NLGN4Y: variants seen among roughly 807,000 people sequenced by gnomAD.
NLGN4Y encodes neuroligin 4 Y-linked.
NLGN4Y carries 4 observed loss-of-function variants against 8.4 expected under a neutral mutation model. The observed-to-expected ratio is 0.48, with a 90% CI of 0.23 to 1.09. The LOEUF is 1.09. Ranked by LOEUF, NLGN4Y falls within the 50% of genes least tolerant of loss-of-function variation. The probability of loss-of-function intolerance (pLI) is 0.19; values close to 1 mark genes in which losing one functional copy is unlikely to be tolerated. For missense variants in NLGN4Y, 90 were observed against 192.3 expected, an observed-to-expected ratio of 0.47 and a Z score of 3.15; for synonymous variants, 35 against 75.6, an observed-to-expected ratio of 0.46 and a Z score of 2.78.
intron 2 of NLGN4Y, among the ~76,000 whole-genome samples, chrY:14,715,743 T>G: frequency 3.0e-5 from 1 of 32,955 alleles, no homozygotes; most frequent in Non-Finnish European, 7.4e-5. Flanking sequence ...GTAACAAACC[T>G]GCACGTTCTG....
intron 2 of NLGN4Y, among the ~76,000 whole-genome samples, chrY:14,706,434 G>T (rs2080878052): frequency 1.2e-4 from 4 of 32,201 alleles, no homozygotes; most frequent in African/African-American, 4.9e-4. Flanking sequence ...TTTGTTTTGA[G>T]ATGGAATCTT....
At chrY:14,577,232 G>A in intron 1 of NLGN4Y, among the ~76,000 whole-genome samples, 1 of 33,544 alleles carries the variant, frequency 3.0e-5, no homozygotes, top group Non-Finnish European at 7.4e-5. Context: ...ATCATCTGGA[G>A]GTAGCACACA....
chrY:14,758,329 G>A (rs1034929254), intron 4 of NLGN4Y, among the ~76,000 whole-genome samples: 7 of 33,657 alleles, frequency 2.1e-4, no homozygotes, highest in African/African-American at 6.9e-4. Context: ...GAGCCATGCT[G>A]TTCCCTGAAT....
At chrY:14,590,066 C>T in intron 1 of NLGN4Y, among the ~76,000 whole-genome samples, 1 of 34,510 alleles carries the variant, frequency 2.9e-5, no homozygotes, top group African/African-American at 1.1e-4. Flanking sequence ...CAGCGCTGGC[C>T]GGCTGCTCCG....
At chrY:14,727,702 G>T (rs763207667) in intron 4 of NLGN4Y, among the ~76,000 whole-genome samples, 5 of 33,272 alleles carry the variant, frequency 1.5e-4, no homozygotes, top group Admixed American at 1.4e-3. Context: ...CAAAACAGAA[G>T]AAAAATGCCA....
At chrY:14,658,583 TAG>T (rs2080662856) in intron 2 of NLGN4Y, among the ~76,000 whole-genome samples, 2 of 33,180 alleles carry the variant, frequency 6.0e-5, no homozygotes, top group African/African-American at 1.2e-4. Flanking sequence ...TTGCCCAGAC[TAG>T]AGTGCAGTGG....
At chrY:14,524,180 A>G (rs747235159), upstream of NLGN4Y, 1 of 48,498 alleles carries the variant, frequency 2.1e-5, no homozygotes, top group South Asian at 1.9e-4. Context: ...GCCCTGGTCT[A>G]GGTATCAGGT....
intron 4 of NLGN4Y, among the ~76,000 whole-genome samples, chrY:14,790,648 T>C (rs776151460): frequency 2.9e-5 from 1 of 33,933 alleles, no homozygotes; most frequent in Admixed American, 2.7e-4. Context: ...TGTTCCCTTC[T>C]CTATATAGGT....
At chrY:14,709,453 C>G in intron 2 of NLGN4Y, among the ~76,000 whole-genome samples, 1 of 33,720 alleles carries the variant, frequency 3.0e-5, no homozygotes, top group East Asian at 7.9e-4. Flanking sequence ...TGGCTCACAC[C>G]TGTAAACCTA....
At chrY:14,541,094 T>C in intron 1 of NLGN4Y, among the ~76,000 whole-genome samples, 1 of 32,937 alleles carries the variant, frequency 3.0e-5, no homozygotes, top group Non-Finnish European at 7.4e-5. Flanking sequence ...AATAACCAGA[T>C]TAGAGAAGAA....
intron 2 of NLGN4Y, among the ~76,000 whole-genome samples, chrY:14,676,574 G>A (rs2150531381): frequency 3.0e-5 from 1 of 33,308 alleles, no homozygotes; most frequent in East Asian, 8.0e-4. Context: ...TCTGTATATT[G>A]TATGTCTGGG....
intron 1 of NLGN4Y, among the ~76,000 whole-genome samples, chrY:14,590,500 A>G (rs996039251): frequency 3.9e-4 from 13 of 33,759 alleles, no homozygotes; most frequent in Non-Finnish European, 8.1e-4. Flanking sequence ...AAGTGCCAGC[A>G]AGTCGGTCCA....
At chrY:14,577,310 A>G (rs2080302346) in intron 1 of NLGN4Y, among the ~76,000 whole-genome samples, 1 of 34,132 alleles carries the variant, frequency 2.9e-5, no homozygotes, top group Non-Finnish European at 7.3e-5. Context: ...GTAGTGACTC[A>G]TAAAAAAATG....
chrY:14,821,010 A>T (rs2043120360), intron 4 of NLGN4Y, among the ~76,000 whole-genome samples: 2 of 33,816 alleles, frequency 5.9e-5, no homozygotes, highest in Non-Finnish European at 1.5e-4. Flanking sequence ...CTGACACCTG[A>T]GTCTTTAGTC....
intron 2 of NLGN4Y, among the ~76,000 whole-genome samples, chrY:14,713,115 A>G: frequency 1.8e-4 from 6 of 34,099 alleles, no homozygotes; most frequent in South Asian, 6.6e-4. Context: ...TCTACTTAAG[A>G]TAACAGTATC....
At chrY:14,548,483 C>G in intron 1 of NLGN4Y, among the ~76,000 whole-genome samples, 1 of 33,648 alleles carries the variant, frequency 3.0e-5, no homozygotes, top group South Asian at 6.6e-4. Flanking sequence ...CAAAACAAAA[C>G]ACAAAACACA....
intron 4 of NLGN4Y, among the ~76,000 whole-genome samples, chrY:14,763,923 A>C: frequency 3.0e-5 from 1 of 33,291 alleles, no homozygotes; most frequent in Non-Finnish European, 7.4e-5. Context: ...GTTTGTGCTC[A>C]AGTAACCCTT....
chrY:14,651,484 T>C (rs940976894), intron 2 of NLGN4Y, among the ~76,000 whole-genome samples: 1 of 33,467 alleles, frequency 3.0e-5, no homozygotes, highest in Non-Finnish European at 7.4e-5. Flanking sequence ...TTTGTACTCC[T>C]GGTATAAAAT....
intron 1 of NLGN4Y, among the ~76,000 whole-genome samples, chrY:14,531,878 C>A (rs2080116316): frequency 3.2e-5 from 1 of 31,007 alleles, no homozygotes; most frequent in Non-Finnish European, 7.7e-5. Context: ...TAGTATACTG[C>A]AAACTATATA....
Sources: gnomAD v4.1 joint callset for allele counts (sites outside exome capture counted in the v4.1 genomes callset) on GRCh38, gnomAD v4.1.1 for gene constraint, MANE v1.5 for transcripts, NCBI Gene and HGNC (gene_info 2026-07-23, HGNC 2026-07-21) for gene names.